HTR1F: variants seen among roughly 807,000 people sequenced by gnomAD.
HTR1F encodes the protein 5-hydroxytryptamine (serotonin) receptor 1F, G protein-coupled.
A neutral mutation model predicts 24.0 loss-of-function variants in HTR1F; 17 were observed. The observed-to-expected ratio is 0.71, with a 90% confidence interval of 0.48 to 1.06. The LOEUF is 1.06. HTR1F is among the 50% of genes least tolerant of loss of function. The probability of loss-of-function intolerance (pLI) is 0.00; values close to 1 mark genes in which losing one functional copy is unlikely to be tolerated. For synonymous variants in HTR1F, 186 were observed against 156.8 expected, an observed-to-expected ratio of 1.19 and a Z score of -1.39; for missense variants, 391 against 427.8, an observed-to-expected ratio of 0.91 and a Z score of 0.76.
At chr3:87,878,658 C>T (rs528685139) in intron 2 of HTR1F, among the ~76,000 whole-genome samples, 12 of 151,942 alleles carry the variant, frequency 7.9e-5, no homozygotes, top group African/African-American at 2.9e-4. Context: ...CAGGCAGATG[C>T]CACAAGCACA....
At position 87,830,367 on chromosome 3, in the gene HTR1F, G is replaced by A. The variant is rs1336805837; in HGVS notation, c.-43+8243G>A. 6.6e-5 allele frequency among the ~76,000 whole-genome samples: 10 copies of A among 152,258 alleles called. No individual in the cohort carries two copies. In the East Asian group the frequency reaches 1.9e-3, roughly 29 times the overall value. On this transcript the variant is annotated intron_variant, in intron 2 of 2. Coordinates refer to ENST00000319595, the MANE Select transcript of HTR1F (RefSeq NM_001322209.2). ...TTTAATACTGAAAAAATACTCATGTGTGTGGACTCACTGAAGTAAATGAAG... is the reference window on the plus strand; with the variant it reads ...TTTAATACTGAAAAAATACTCATGTATGTGGACTCACTGAAGTAAATGAAG...
At position 87,858,325 on chromosome 3, in the gene HTR1F, G is replaced by A. The variant is rs562355142; in HGVS notation, c.-43+36201G>A. Among the ~76,000 whole-genome samples, 137 of 152,244 alleles carry A rather than the reference G, an allele frequency of 9.0e-4. 1 individual carries two copies. The Middle Eastern group carries it at 0.017, about 19-fold the overall frequency. On this transcript the variant is annotated intron_variant, in intron 2 of 2. Transcript: ENST00000319595. ...TCATGACCTGTGATTTCCTGTGAAC[G>A]TCTGCAGAAGCTTGTCTATATTAGG...
intron 2 of HTR1F, among the ~76,000 whole-genome samples, chr3:87,883,168 C>T (rs1157529901): frequency 6.6e-6 from 1 of 152,154 alleles, no homozygotes; most frequent in East Asian, 1.9e-4. Flanking sequence ...CTAGTGCTAC[C>T]CAGGCAAACA....
At chr3:87,854,130 T>C (rs1168034565) in intron 2 of HTR1F, among the ~76,000 whole-genome samples, 1 of 151,946 alleles carries the variant, frequency 6.6e-6, no homozygotes, top group African/African-American at 2.4e-5. Flanking sequence ...TCTTAGTAAT[T>C]TCTATTTTTA....
At chr3:87,883,398 A>T (rs1705856691) in intron 2 of HTR1F, among the ~76,000 whole-genome samples, 1 of 152,100 alleles carries the variant, frequency 6.6e-6, no homozygotes, top group South Asian at 2.1e-4. Flanking sequence ...AATTCTAAAA[A>T]CCAGGGCACC....
chr3:87,986,960 G>A (rs1705674786), intron 2 of HTR1F, among the ~76,000 whole-genome samples: 1 of 151,922 alleles, frequency 6.6e-6, no homozygotes, highest in Non-Finnish European at 1.5e-5. Flanking sequence ...TAGAAAATTA[G>A]CCGGGTGTGG....
intron 2 of HTR1F, among the ~76,000 whole-genome samples, chr3:87,986,530 A>G (rs1015654002): frequency 2.0e-5 from 3 of 152,180 alleles, no homozygotes; most frequent in Middle Eastern, 3.2e-3. Context: ...AAATGCTACA[A>G]CTTGATGCTT....
At chr3:87,972,429 T>C (rs2107498056) in intron 2 of HTR1F, among the ~76,000 whole-genome samples, 1 of 152,302 alleles carries the variant, frequency 6.6e-6, no homozygotes, top group South Asian at 2.1e-4. Context: ...CTTTTATTCA[T>C]CCTTGAATAT....
intron 2 of HTR1F, among the ~76,000 whole-genome samples, chr3:87,879,357 G>A (rs1260839404): frequency 5.9e-5 from 9 of 152,112 alleles, no homozygotes. Context: ...TAGTACTGAT[G>A]TATATGAAGA....
At chr3:87,990,032 A>G (rs1488260586) in intron 2 of HTR1F, among the ~76,000 whole-genome samples, 4 of 152,204 alleles carry the variant, frequency 2.6e-5, no homozygotes, top group African/African-American at 7.2e-5. Flanking sequence ...CTTAATCTAA[A>G]TGAGTCTAGG....
chr3:87,971,251 G>A (rs1032247383), intron 2 of HTR1F, among the ~76,000 whole-genome samples: 28 of 152,156 alleles, frequency 1.8e-4, no homozygotes, highest in African/African-American at 5.5e-4. Context: ...TGATTGGTTC[G>A]TTTCAGTCTT....
chr3:87,827,804 G>A (rs1704495772), intron 2 of HTR1F, among the ~76,000 whole-genome samples: 2 of 152,122 alleles, frequency 1.3e-5, no homozygotes, highest in South Asian at 4.1e-4. Flanking sequence ...GATTGGAAAA[G>A]GGTGAGGTGA....
At chr3:87,796,313 C>T (rs997716280) in intron 1 of HTR1F, among the ~76,000 whole-genome samples, 15 of 151,926 alleles carry the variant, frequency 9.9e-5, no homozygotes, top group Non-Finnish European at 1.5e-4. Context: ...ATGCAGTTGT[C>T]ACCAACTGAT....
At chr3:87,869,795 T>C (rs564542511) in intron 2 of HTR1F, among the ~76,000 whole-genome samples, 1 of 152,088 alleles carries the variant, frequency 6.6e-6, no homozygotes, top group Non-Finnish European at 1.5e-5. Flanking sequence ...AGTCTATTGA[T>C]TTAAATGTTA....
intron 2 of HTR1F, among the ~76,000 whole-genome samples, chr3:87,857,605 T>C (rs184504001): frequency 6.6e-6 from 1 of 152,234 alleles, no homozygotes; most frequent in Admixed American, 6.6e-5. Flanking sequence ...AGAGTAATTT[T>C]AAGCTCACAG....
At chr3:87,899,863 AAAACAAAC>A (rs373054064) in intron 2 of HTR1F, among the ~76,000 whole-genome samples, 1 of 152,188 alleles carries the variant, frequency 6.6e-6, no homozygotes, top group African/African-American at 2.4e-5. Context: ...ATTCTGTCTC[AAAACAAAC>A]AAACAAACAA....
intron 2 of HTR1F, among the ~76,000 whole-genome samples, chr3:87,946,925 C>CAT (rs1337317017): frequency 6.6e-6 from 1 of 152,016 alleles, no homozygotes; most frequent in Non-Finnish European, 1.5e-5. Flanking sequence ...ACGCCCAGCC[C>CAT]ATATATATTA....
rs1704372206 is a variant in HTR1F, at chr3:87,822,149, T to G, written c.-43+25T>G. On this transcript the variant is annotated intron_variant, in intron 2 of 2. Coordinates refer to ENST00000319595, the MANE Select transcript of HTR1F (RefSeq NM_001322209.2). ...GGTAAGCATTCCCAGCTTTAAACCA[T>G]GAAGAAAAATAAATTGACAATTAGT... 2.6e-5 allele frequency among the ~76,000 whole-genome samples: 4 copies of G among 151,602 alleles called. 1 individual carries two copies. The South Asian group carries it at 8.3e-4, about 32-fold the overall frequency.
chr3:87,991,981 T>C lies in HTR1F; in HGVS notation c.*131T>C. 3 of 683,596 alleles carry C rather than the reference T, an allele frequency of 4.4e-6. No individual in the cohort carries two copies. Among genetic ancestry groups the C allele is most frequent in the Non-Finnish European group, 7.0e-6 (3 of 428,224 alleles). The allele number at this position is 683,596 out of a possible 1,614,324, so 42.3% of individuals were successfully genotyped here. A position where few individuals can be genotyped will look rare whatever the true frequency, so the allele number is the denominator to read the frequency against. ...AACTGCTAAATTGATAAGGCTATAA[T>C]TTATATTTTAATAGCAATGTGAATA... On this transcript the variant is annotated 3_prime_UTR_variant, in exon 3 of 3. Coordinates refer to ENST00000319595, the MANE Select transcript of HTR1F (RefSeq NM_001322209.2).
Sources: allele counts gnomAD v4.1 joint callset (sites outside exome capture counted in the v4.1 genomes callset), GRCh38; gene constraint gnomAD v4.1.1; transcripts MANE v1.5; gene names NCBI Gene and HGNC (gene_info 2026-07-23, HGNC 2026-07-21).